ARHGEF10L: variants seen among roughly 807,000 people sequenced by gnomAD.
The protein encoded by ARHGEF10L is rho guanine nucleotide exchange factor 10-like protein.
A neutral mutation model predicts 141.2 loss-of-function variants in ARHGEF10L; 69 were observed. That is an observed-to-expected ratio of 0.49 (90% CI 0.40 to 0.60). The LOEUF is 0.60. Among genes scored for constraint, ARHGEF10L ranks in the 20% least tolerant of loss-of-function variants. ARHGEF10L has a pLI of 0.00. For missense variants in ARHGEF10L, 1,482 were observed against 1,734.3 expected, an observed-to-expected ratio of 0.85 and a Z score of 2.58; for synonymous variants, 711 against 718.5, an observed-to-expected ratio of 0.99 and a Z score of 0.17.
At chr1:17,605,743 T>C (rs2081113865) in intron 6 of ARHGEF10L, among the ~76,000 whole-genome samples, 1 of 152,112 alleles carries the variant, frequency 6.6e-6, no homozygotes, top group Non-Finnish European at 1.5e-5. Flanking sequence ...CTCAGCCCTG[T>C]GGAGGCGTGG....
At chr1:17,594,355 A>C (rs1227929731) in intron 4 of ARHGEF10L, among the ~76,000 whole-genome samples, 2 of 152,038 alleles carry the variant, frequency 1.3e-5, no homozygotes, top group Non-Finnish European at 2.9e-5. Context: ...GGCTTCCAGA[A>C]CCTGTGTTCT....
At chr1:17,569,903 T>C (rs568500139) in intron 1 of ARHGEF10L, among the ~76,000 whole-genome samples, 1 of 152,374 alleles carries the variant, frequency 6.6e-6, no homozygotes, top group Admixed American at 6.5e-5. Flanking sequence ...CCTCTGGCCC[T>C]GTCCCACTCC....
chr1:17,630,587 C>T (rs1332432911), intron 15 of ARHGEF10L, among the ~76,000 whole-genome samples: 2 of 152,240 alleles, frequency 1.3e-5, no homozygotes, highest in Non-Finnish European at 2.9e-5. Context: ...TGTGCACTAG[C>T]TGCTCAATGC....
chr1:17,628,449 C>T (rs575710052), intron 15 of ARHGEF10L, among the ~76,000 whole-genome samples: 7 of 152,306 alleles, frequency 4.6e-5, no homozygotes, highest in Admixed American at 4.6e-4. Flanking sequence ...CCCTCTTCTT[C>T]CCTCTCAGCA....
intron 2 of ARHGEF10L, among the ~76,000 whole-genome samples, chr1:17,586,951 C>A (rs2079071823): frequency 6.6e-6 from 1 of 152,142 alleles, no homozygotes; most frequent in South Asian, 2.1e-4. Context: ...TGCCCTAGTA[C>A]CTGCAAGCTG....
At chr1:17,582,309 GA>G (rs34644771) in intron 2 of ARHGEF10L, among the ~76,000 whole-genome samples, 2,993 of 151,588 alleles carry the variant, frequency 0.02, 48 homozygotes, top group East Asian at 0.075. Flanking sequence ...TGGGGAGTGA[GA>G]AAAAAAAATT....
intron 8 of ARHGEF10L, among the ~76,000 whole-genome samples, chr1:17,614,410 T>C (rs938714373): frequency 1.3e-5 from 2 of 152,126 alleles, no homozygotes. Context: ...ATTCGGCAGG[T>C]GTACTCGGGG....
At chr1:17,693,499 A>T (rs577029330) in intron 27 of ARHGEF10L, among the ~76,000 whole-genome samples, 10 of 152,306 alleles carry the variant, frequency 6.6e-5, no homozygotes, top group African/African-American at 2.4e-4. Context: ...TGCACTGCAG[A>T]GGAAGCACAT....
intron 4 of ARHGEF10L, among the ~76,000 whole-genome samples, chr1:17,598,138 G>A (rs556914865): frequency 6.8e-6 from 1 of 147,322 alleles, no homozygotes; most frequent in South Asian, 2.1e-4. Context: ...GTATTGCCCT[G>A]TCCCTCAGGC....
chr1:17,695,014 C>G lies in ARHGEF10L; in HGVS notation c.3185-144C>G, dbSNP rs1212048345. The G allele has an allele frequency of 2.4e-6, 3 of 1,246,522 alleles. No individual in the cohort carries two copies. In the South Asian group the frequency reaches 3.6e-5, roughly 15 times the overall value. 77.2% of individuals were successfully genotyped at this position (1,246,522 alleles called of 1,614,324 possible). ...CCCAGGCAGGTCAGCCTCCAAAGCC[C>G]CAGCTCTTCCCCACCCCACCGCCCA... On this transcript the variant is annotated intron_variant, in intron 27 of 28. Coordinates refer to ENST00000361221, the MANE Select transcript of ARHGEF10L (RefSeq NM_018125.4).
chr1:17,618,265 C>T, intron 9 of ARHGEF10L: 2 of 1,327,668 alleles, frequency 1.5e-6, no homozygotes, highest in South Asian at 3.0e-5. Flanking sequence ...CCTCCCCACC[C>T]CGCCCACAAG....
intron 28 of ARHGEF10L, 71 bp from the exon 29 acceptor site, chr1:17,696,777 G>C: frequency 5.5e-6 from 8 of 1,442,694 alleles, no homozygotes; most frequent in Non-Finnish European, 7.4e-6. Context: ...TTCTCCAGGA[G>C]AGAGACTCAG....
rs570644021 is a variant in ARHGEF10L, at chr1:17,562,615, C to T, written c.-43-17938C>T. ...TGAGATTTCAGGTGAATCATTGTCA[C>T]TTTGATTTCATACTTGTTAGCAGGA... On this transcript the variant is annotated intron_variant, in intron 1 of 28. Transcript: ENST00000361221. Among the ~76,000 whole-genome samples the T allele has an allele frequency of 5.9e-5, 9 of 152,326 alleles. No individual in the cohort carries two copies. The East Asian group carries it at 1.7e-3, about 29-fold the overall frequency.
intron 22 of ARHGEF10L, among the ~76,000 whole-genome samples, chr1:17,650,227 T>C (rs1383347633): frequency 1.3e-5 from 2 of 151,264 alleles, no homozygotes; most frequent in African/African-American, 4.9e-5. Context: ...CTGGGCAACA[T>C]AGTAAGATCC....
intron 1 of ARHGEF10L, among the ~76,000 whole-genome samples, chr1:17,548,779 G>A (rs1300945519): frequency 6.7e-6 from 1 of 149,116 alleles, no homozygotes; most frequent in Non-Finnish European, 1.5e-5. Flanking sequence ...CTCCTGAGTA[G>A]ATGGGATTAC....
chr1:17,521,497 G>A, the ARHGEF10L span, among the ~76,000 whole-genome samples: 89 of 152,308 alleles, frequency 5.8e-4, no homozygotes, highest in African/African-American at 2.1e-3. Flanking sequence ...TGTTTTTGGA[G>A]GCAGCCTCTT....
intron 26 of ARHGEF10L, among the ~76,000 whole-genome samples, chr1:17,678,054 C>T (rs551136735): frequency 6.6e-6 from 1 of 152,272 alleles, no homozygotes; most frequent in South Asian, 2.1e-4. Context: ...GTGCAGGAGC[C>T]GGAAGATGCC....
chr1:17,541,836 A>G (rs56931601), intron 1 of ARHGEF10L, among the ~76,000 whole-genome samples: 14,542 of 152,158 alleles, frequency 0.096, 854 homozygotes, highest in African/African-American at 0.16. Context: ...GCATAGTGGC[A>G]CATGCCTGTA....
chr1:17,582,018 G>A (rs2078613746), intron 2 of ARHGEF10L, among the ~76,000 whole-genome samples: 1 of 152,174 alleles, frequency 6.6e-6, no homozygotes, highest in South Asian at 2.1e-4. Context: ...AGAGGCATGA[G>A]TGACCAGCTC....
Sources: gnomAD v4.1 joint callset for allele counts (sites outside exome capture counted in the v4.1 genomes callset) on GRCh38, gnomAD v4.1.1 for gene constraint, MANE v1.5 for transcripts, NCBI Gene and HGNC (gene_info 2026-07-23, HGNC 2026-07-21) for gene names.